The following RAPSN variants were observed in gnomAD, a reference collection of about 807,000 sequenced individuals.
RAPSN encodes the protein receptor associated protein of the synapse, also known as 43 kDa receptor-associated protein of the synapse.
A neutral mutation model predicts 45.7 loss-of-function variants in RAPSN; 33 were observed. The observed-to-expected ratio is 0.72, with a 90% CI of 0.55 to 0.97. The LOEUF (loss-of-function observed/expected upper bound fraction) is 0.97. RAPSN is among the 50% of genes least tolerant of loss of function. RAPSN has a pLI of 0.00. For synonymous variants in RAPSN, 244 were observed against 233.6 expected (o/e 1.04, Z -0.40); for missense variants, 519 against 559.4 (o/e 0.93, Z 0.73).
At position 47,447,935 on chromosome 11, in the gene RAPSN, G is replaced by A. The variant is rs1466576877; in HGVS notation, c.408C>T (p.Leu136=). 3 of 1,613,488 alleles carry A rather than the reference G, an allele frequency of 1.9e-6. No homozygotes were observed. The African/African-American group carries it at 4.0e-5, about 22-fold the overall frequency. Residue 136 remains leucine, a synonymous_variant, in exon 2 of 8, where the codon CTC becomes CTT. Coordinates refer to ENST00000298854, the MANE Select transcript of RAPSN (RefSeq NM_005055.5). ...TCTCCAGGGCCTTCTGGAAGACGCTGAGGCCCAGGAAGGCATTGCCCATGC... is the reference window on the plus strand; with the variant it reads ...TCTCCAGGGCCTTCTGGAAGACGCTAAGGCCCAGGAAGGCATTGCCCATGC... The part of the protein sequence containing the change: ...SLSMGNAFLG[L]SVFQKALESF...
rs768806867 is a variant in RAPSN at position 47,441,915 on chromosome 11, T to C, written c.697A>G (p.Met233Val). ...GSAMECCEES[M>V]KIALQHGDRP... ...TCCCCGTGCTGCAGCGCGATCTTCA[T>C]AGACTCCTGCGAGGGAGGCCAGTGG... is the stretch of plus-strand genomic sequence containing the variant. Residue 233 changes from methionine to valine, a missense_variant, in exon 4 of 8, where the codon ATG becomes GTG. Coordinates refer to ENST00000298854, the MANE Select transcript of RAPSN (RefSeq NM_005055.5). 7 of 1,544,196 alleles carry C rather than the reference T, an allele frequency of 4.5e-6. No individual in the cohort carries two copies. The highest frequency in any genetic ancestry group is 6.1e-6 in the Non-Finnish European group (7 of 1,149,128).
intron 5 of RAPSN, 70 bp downstream of exon 5, chr11:47,441,541 C>CA (rs2076362388): frequency 6.3e-7 from 1 of 1,594,732 alleles, no homozygotes; most frequent in South Asian, 1.1e-5. Context: ...CTGAAAGAGC[C>CA]GGCTAACCTA....
At chr11:47,442,038 T>C in intron 3 of RAPSN, 117 bp from the exon 4 acceptor site, 1 of 1,060,652 alleles carries the variant, frequency 9.4e-7, no homozygotes. Flanking sequence ...CAGAGCCTAG[T>C]GAATCTATCA....
At position 47,438,880 on chromosome 11, in the gene RAPSN, C is replaced by A; in HGVS notation, c.1018G>T (p.Gly340Trp). 1 of 1,565,674 alleles carries A rather than the reference C, an allele frequency of 6.4e-7. No individual in the cohort carries two copies. Among genetic ancestry groups the A allele is most frequent in the Non-Finnish European group, 8.7e-7 (1 of 1,154,492 alleles). The change falls in exon 7 of 8, where the codon GGG becomes TGG. Residue 340 changes from glycine (G) to tryptophan (W), a missense_variant. Gly to Trp is a radical substitution (Grantham distance 184, BLOSUM62 -2). Coordinates refer to ENST00000298854, the MANE Select transcript of RAPSN (RefSeq NM_005055.5). ...CLSESIYRSK[G>W]LQRELRAHVV... ...TGCGCCCGCAGTTCCCGCTGCAGCC[C>A]TTTGCTGCGGTAAATGCTCTCGCTC...
At chr11:47,441,491 C>G in intron 5 of RAPSN, 120 bp downstream of exon 5, 1 of 1,520,046 alleles carries the variant, frequency 6.6e-7, no homozygotes, top group Non-Finnish European at 8.9e-7. Flanking sequence ...AATGTCCTGG[C>G]CTCGTAGGAT....
chr11:47,446,904 C>T (rs1189794325), intron 2 of RAPSN, among the ~76,000 whole-genome samples: 1 of 152,080 alleles, frequency 6.6e-6, no homozygotes, highest in African/African-American at 2.4e-5. Context: ...AAACTCCGCC[C>T]CTGCCCCCGC....
chr11:47,443,079 A>G (rs190544930), intron 2 of RAPSN, among the ~76,000 whole-genome samples: 1 of 152,342 alleles, frequency 6.6e-6, no homozygotes, highest in African/African-American at 2.4e-5. Context: ...TAGATGCACA[A>G]TAAATATTTG....
intron 2 of RAPSN, 21 bp downstream of exon 2, chr11:47,447,791 C>A (rs575177166): frequency 9.4e-6 from 15 of 1,600,828 alleles, no homozygotes; most frequent in African/African-American, 2.7e-5. Flanking sequence ...CCACTGCTGT[C>A]CCCCTGGGGT....
At position 47,438,718 on chromosome 11, in the gene RAPSN, C is replaced by G. The variant is rs774372753; in HGVS notation, c.1166+14G>C. On this transcript the variant is annotated intron_variant, in intron 7 of 7. Coordinates refer to ENST00000298854, the MANE Select transcript of RAPSN (RefSeq NM_005055.5). ...ATCCTGCCCACCCCTGTCCACCCCC[C>G]CAGGAGCCCCCACCTGAGGTGGAAG... The G allele has an allele frequency of 2.6e-5, 41 of 1,555,272 alleles. No individual in the cohort carries two copies. In the East Asian group the frequency reaches 3.6e-4, roughly 14 times the overall value.
chr11:47,438,098 C>T (rs368937475), intron 7 of RAPSN, 51 bp from the exon 8 acceptor site: 18 of 1,539,440 alleles, frequency 1.2e-5, no homozygotes, highest in African/African-American at 4.1e-5. Flanking sequence ...TCCTTCCCTC[C>T]GGGCCCTCTC....
chr11:47,443,955 A>AAAAAAAAAAAG (rs1204196817), intron 2 of RAPSN, among the ~76,000 whole-genome samples: 3 of 147,880 alleles, frequency 2.0e-5, no homozygotes, highest in African/African-American at 7.4e-5. Flanking sequence ...AAAAAAAAAA[A>AAAAAAAAAAAG]AAAAGAAAAG....
chr11:47,443,125 T>C (rs1263322719), intron 2 of RAPSN, among the ~76,000 whole-genome samples: 1 of 152,174 alleles, frequency 6.6e-6, no homozygotes, highest in Non-Finnish European at 1.5e-5. Flanking sequence ...AAAACACAGT[T>C]GGCTTCTCTT....
intron 3 of RAPSN, among the ~76,000 whole-genome samples, chr11:47,442,418 G>A (rs2076372607): frequency 2.0e-5 from 3 of 152,230 alleles, no homozygotes; most frequent in Admixed American, 2.0e-4. Flanking sequence ...CCAGCACTTT[G>A]GGAGGCCAAG....
chr11:47,438,675 C>T (rs1354238128), intron 7 of RAPSN, 57 bp downstream of exon 7: 17 of 1,544,680 alleles, frequency 1.1e-5, no homozygotes, highest in Admixed American at 2.0e-5. Context: ...CAGCTGGGCC[C>T]TAGAGTGCCC....
At chr11:47,442,498 G>A (rs1213856392) in intron 3 of RAPSN, among the ~76,000 whole-genome samples, 158 bp downstream of exon 3, 3 of 152,226 alleles carry the variant, frequency 2.0e-5, no homozygotes, top group Non-Finnish European at 2.9e-5. Context: ...AAAATTAGCT[G>A]TGCATGGTGG....
intron 2 of RAPSN, among the ~76,000 whole-genome samples, chr11:47,444,563 A>G (rs2076389790): frequency 6.6e-6 from 1 of 151,756 alleles, no homozygotes; most frequent in Admixed American, 6.6e-5. Context: ...ACAAAAACAA[A>G]AACAAAAACC....
chr11:47,447,339 G>A (rs537661938), intron 2 of RAPSN, among the ~76,000 whole-genome samples: 65 of 152,248 alleles, frequency 4.3e-4, no homozygotes, highest in Non-Finnish European at 8.7e-4. Flanking sequence ...TGCAACCCTC[G>A]TGAGGACGGG....
intron 2 of RAPSN, among the ~76,000 whole-genome samples, chr11:47,446,404 C>T (rs2076407231): frequency 6.6e-6 from 1 of 152,080 alleles, no homozygotes; most frequent in Non-Finnish European, 1.5e-5. Flanking sequence ...TATCTCATCT[C>T]ACTGAATGGC....
Position 47,448,958 on chromosome 11 carries a change from GCCCCATCCT to G in RAPSN, c.-3_6del. Reference sequence around the variant, plus strand: ...TCGATCTGCTGCTTGGTCTGGTCCTGCCCCATCCTCCCCAAGCCCTGTGTCCCACGTGGG... The same window carrying G: ...TCGATCTGCTGCTTGGTCTGGTCCTGCCCCAAGCCCTGTGTCCCACGTGGG... On this transcript the variant is annotated start_lost and 5_prime_UTR_variant, in exon 1 of 8. Coordinates refer to ENST00000298854, the MANE Select transcript of RAPSN (RefSeq NM_005055.5). 1.2e-6 allele frequency: 2 copies of G among 1,614,222 alleles called. No individual in the cohort carries two copies. The highest frequency in any genetic ancestry group is 1.7e-6 in the Non-Finnish European group (2 of 1,180,034).
Sources: allele counts gnomAD v4.1 joint callset (sites outside exome capture counted in the v4.1 genomes callset), GRCh38; gene constraint gnomAD v4.1.1; transcripts MANE v1.5; gene names NCBI Gene and HGNC (gene_info 2026-07-23, HGNC 2026-07-21).